RAB5B: variants seen among roughly 807,000 people sequenced by gnomAD.
RAB5B encodes the protein ras-related protein Rab-5B.
RAB5B carries 11 observed loss-of-function variants against 28.6 expected under a neutral mutation model. The observed-to-expected ratio is 0.38, with a 90% CI of 0.24 to 0.64. RAB5B has a LOEUF of 0.64. RAB5B is among the 30% of genes least tolerant of loss of function. The pLI is 0.53. For synonymous variants in RAB5B, 93 were observed against 97.9 expected (o/e 0.95, Z 0.29); for missense variants, 169 against 265.6 (o/e 0.64, Z 2.53).
intron 1 of RAB5B, among the ~76,000 whole-genome samples, chr12:55,984,305 T>C (rs2136480258): frequency 6.6e-6 from 1 of 151,936 alleles, no homozygotes; most frequent in African/African-American, 2.4e-5. Context: ...TTCACCTGCC[T>C]CAACCTCCCA....
At chr12:55,978,227 C>T (rs1038762208) in intron 1 of RAB5B, among the ~76,000 whole-genome samples, 4 of 152,128 alleles carry the variant, frequency 2.6e-5, no homozygotes, top group African/African-American at 7.2e-5. Context: ...GGGCCGTGTG[C>T]GGTGGCATGC....
rs1347083672 is a variant in RAB5B, at chr12:55,996,462, C to T, written c.*4250C>T. On this transcript the variant is annotated 3_prime_UTR_variant, in exon 6 of 6. Transcript: ENST00000360299. ...TTCATACTTCGGGGTGTTAAGCTGC[C>T]ATTGCTCTTGTTAAGGGGCAGTTTG... 6.6e-6 allele frequency: 1 copy of T among 152,024 alleles called. No individual in the cohort carries two copies. Among genetic ancestry groups the T allele is most frequent in the Non-Finnish European group, 1.5e-5 (1 of 68,018 alleles). The allele number at this position is 152,024 out of a possible 1,614,324, so 9.4% of individuals were successfully genotyped here. A position where few individuals can be genotyped will look rare whatever the true frequency, so the allele number is the denominator to read the frequency against.
chr12:55,975,955 T>C (rs1276105002), intron 1 of RAB5B, among the ~76,000 whole-genome samples: 1 of 152,136 alleles, frequency 6.6e-6, no homozygotes, highest in African/African-American at 2.4e-5. Context: ...TTTTACCATG[T>C]TGGCCAGGAT....
In RAB5B at chr12:55,992,376, C is replaced by A; in HGVS notation, c.*164C>A. On this transcript the variant is annotated 3_prime_UTR_variant, in exon 6 of 6. Transcript: ENST00000360299. Reference sequence around the variant, plus strand: ...GTCATGGCACTTTTTAACGCTTCAGCAACAAACACCAGGCAGCTGTTGCCA... The same window carrying A: ...GTCATGGCACTTTTTAACGCTTCAGAAACAAACACCAGGCAGCTGTTGCCA... 2 of 699,028 alleles carry A rather than the reference C, an allele frequency of 2.9e-6. No individual in the cohort carries two copies. Among genetic ancestry groups the A allele is most frequent in the Non-Finnish European group, 5.1e-6 (2 of 392,218 alleles). The allele number at this position is 699,028 out of a possible 1,614,324, so 43.3% of individuals were successfully genotyped here.
chr12:55,991,242 TATTA>T (rs751982176), intron 4 of RAB5B, 114 bp from the exon 5 acceptor site: 6 of 696,984 alleles, frequency 8.6e-6, no homozygotes, highest in African/African-American at 1.8e-5. Context: ...CTCAAAGGGG[TATTA>T]ATTAAGGGGA....
At chr12:55,992,000 C>T in intron 5 of RAB5B, 97 bp from the exon 6 acceptor site, 5 of 833,290 alleles carry the variant, frequency 6.0e-6, no homozygotes, top group Non-Finnish European at 5.8e-6. Context: ...CAAATTCTCC[C>T]TTTTCCCCAA....
chr12:55,987,922 G>A (rs914843665), intron 2 of RAB5B, among the ~76,000 whole-genome samples: 2 of 151,744 alleles, frequency 1.3e-5, no homozygotes, highest in East Asian at 1.9e-4. Flanking sequence ...CAAGGCAGGC[G>A]GATCACTTGA....
chr12:55,978,951 T>C (rs1473961540), intron 1 of RAB5B, among the ~76,000 whole-genome samples: 1 of 152,060 alleles, frequency 6.6e-6, no homozygotes, highest in Non-Finnish European at 1.5e-5. Context: ...TTTTGTATTT[T>C]TAGTAGAGAC....
rs1462038012 is a variant in RAB5B at position 55,990,235 on chromosome 12, C to T, written c.315+137C>T. The T allele has an allele frequency of 4.1e-6, 4 of 979,632 alleles. No individual in the cohort carries two copies. In the East Asian group the frequency reaches 1.1e-4, roughly 28 times the overall value. The allele number at this position is 979,632 out of a possible 1,614,324, so 60.7% of individuals were successfully genotyped here. A position where few individuals can be genotyped will look rare whatever the true frequency, so the allele number is the denominator to read the frequency against. ...CCATCCTGGCCAACATGGTGAAACC[C>T]CGTCTCTACTAAAATTACAAAAATT... On this transcript the variant is annotated intron_variant, in intron 3 of 5. Coordinates refer to ENST00000360299, the MANE Select transcript of RAB5B (RefSeq NM_002868.4).
In RAB5B at chr12:55,993,661, TAATATCTTG is replaced by T. The variant is rs1456776090; in HGVS notation, c.*1453_*1461del. 1.3e-5 allele frequency: 2 copies of T among 152,800 alleles called. No individual in the cohort carries two copies. The highest frequency in any genetic ancestry group is 3.9e-4 in the East Asian group (2 of 5,190). 9.5% of individuals were successfully genotyped at this position (152,800 alleles called of 1,614,324 possible). A position where few individuals can be genotyped will look rare whatever the true frequency, so the allele number is the denominator to read the frequency against. ...AGGCCCTGTTTCTTTGTTCCTTTGT[TAATATCTTG>T]AATTTAGTCCCTCCATCCTTAATCC... On this transcript the variant is annotated 3_prime_UTR_variant, in exon 6 of 6. Transcript: ENST00000360299.
intron 1 of RAB5B, among the ~76,000 whole-genome samples, chr12:55,984,454 C>G (rs1889899291): frequency 6.6e-6 from 1 of 151,976 alleles, no homozygotes; most frequent in Admixed American, 6.6e-5. Flanking sequence ...TCCCAAAGTG[C>G]TGGGATTACA....
At chr12:55,984,162 C>A (rs533139871) in intron 1 of RAB5B, among the ~76,000 whole-genome samples, 2 of 151,682 alleles carry the variant, frequency 1.3e-5, no homozygotes, top group Non-Finnish European at 2.9e-5. Context: ...TTACAAATGC[C>A]GGCCACCAAC....
At chr12:55,980,912 A>G (rs1446037592) in intron 1 of RAB5B, 14 of 1,613,180 alleles carry the variant, frequency 8.7e-6, no homozygotes, top group Non-Finnish European at 1.0e-5. Flanking sequence ...ATCAATTCCG[A>G]TGGTGGAGAT....
chr12:55,986,747 G>A, intron 1 of RAB5B, 122 bp from the exon 2 acceptor site: 3 of 584,154 alleles, frequency 5.1e-6, no homozygotes, highest in Non-Finnish European at 9.2e-6. Flanking sequence ...CAGCTGCCTG[G>A]GACCTTCTCA....
At chr12:55,981,004 C>G in intron 1 of RAB5B, 5 of 1,614,112 alleles carry the variant, frequency 3.1e-6, no homozygotes, top group Non-Finnish European at 4.2e-6. Flanking sequence ...TCAGCAGCAA[C>G]TTGAAGAGGT....
chr12:55,986,872 T>G lies in RAB5B; in HGVS notation c.-89T>G. 3 of 940,104 alleles carry G rather than the reference T, an allele frequency of 3.2e-6. No individual in the cohort carries two copies. Among genetic ancestry groups the G allele is most frequent in the Middle Eastern group, 6.4e-4 (2 of 3,148 alleles). 58.2% of individuals were successfully genotyped at this position (940,104 alleles called of 1,614,324 possible). A position where few individuals can be genotyped will look rare whatever the true frequency, so the allele number is the denominator to read the frequency against. Reference sequence around the variant, plus strand: ...TATTCACTTTTTTTTCTTGCAGGAGTGTTGAAGCCTGGAAATCCCCTCCCC... The same window carrying G: ...TATTCACTTTTTTTTCTTGCAGGAGGGTTGAAGCCTGGAAATCCCCTCCCC... On this transcript the variant is annotated 5_prime_UTR_variant, in exon 2 of 6. Transcript: ENST00000360299.
intron 1 of RAB5B, 37 bp from the exon 2 acceptor site, chr12:55,986,832 A>G: frequency 1.4e-6 from 1 of 721,676 alleles, no homozygotes; most frequent in East Asian, 2.7e-5. Context: ...GCTTCAATGG[A>G]CGTATGTTTA....
In RAB5B at chr12:55,993,163, AC is replaced by A. The variant is rs1209719766; in HGVS notation, c.*955del. 1.3e-5 allele frequency: 2 copies of A among 152,500 alleles called. No homozygotes were observed. The highest frequency in any genetic ancestry group is 2.9e-5 in the Non-Finnish European group (2 of 68,060). The allele number at this position is 152,500 out of a possible 1,614,324, so 9.4% of individuals were successfully genotyped here. Reference sequence around the variant, plus strand: ...ATGGCCTCAGCCCCAGCCACCATATACCCCTGCAGTTTGCACTTTAATTGAT... The same window carrying A: ...ATGGCCTCAGCCCCAGCCACCATATACCCTGCAGTTTGCACTTTAATTGAT... On this transcript the variant is annotated 3_prime_UTR_variant, in exon 6 of 6. Transcript: ENST00000360299.
chr12:55,982,600 T>C (rs1007173947), intron 1 of RAB5B, among the ~76,000 whole-genome samples: 1 of 152,162 alleles, frequency 6.6e-6, no homozygotes, highest in African/African-American at 2.4e-5. Flanking sequence ...AGCCAGAACA[T>C]ACTCTTAAGG....
Sources: gnomAD v4.1 joint callset for allele counts (sites outside exome capture counted in the v4.1 genomes callset) on GRCh38, gnomAD v4.1.1 for gene constraint, MANE v1.5 for transcripts, NCBI Gene and HGNC (gene_info 2026-07-23, HGNC 2026-07-21) for gene names.